The following BICRAL variants were observed in gnomAD, a reference collection of about 807,000 sequenced individuals.
The protein encoded by BICRAL is BRD4-interacting chromatin-remodeling complex-associated protein-like.
In BICRAL, 8 loss-of-function variants were observed where a neutral mutation model predicts 91.8. The observed-to-expected ratio is 0.09, with a 90% confidence interval of 0.05 to 0.16. The LOEUF (loss-of-function observed/expected upper bound fraction) is 0.16, where lower values mean the gene tolerates loss of function less well. BICRAL is among the 10% of genes least tolerant of loss of function. BICRAL has a pLI of 1.00. For synonymous variants in BICRAL, 445 were observed against 491.1 expected, an observed-to-expected ratio of 0.91 and a Z score of 1.24; for missense variants, 1,038 against 1,310.9, an observed-to-expected ratio of 0.79 and a Z score of 3.21.
chr6:42,747,813 T>G (rs1474040483), intron 1 of BICRAL, among the ~76,000 whole-genome samples: 2 of 142,878 alleles, frequency 1.4e-5, no homozygotes, highest in Admixed American at 1.3e-4. Flanking sequence ...TTGTTTTTTT[T>G]TTTTTTTTTT....
chr6:42,782,784 G>A (rs1418964111), intron 1 of BICRAL, among the ~76,000 whole-genome samples: 1 of 152,014 alleles, frequency 6.6e-6, no homozygotes, highest in Admixed American at 6.5e-5. Flanking sequence ...GCTCGGCGAG[G>A]GGAAGACGGC....
At chr6:42,832,445 T>A (rs1345989484) in intron 6 of BICRAL, among the ~76,000 whole-genome samples, 1 of 147,884 alleles carries the variant, frequency 6.8e-6, no homozygotes, top group Non-Finnish European at 1.5e-5. Context: ...ATATATATAT[T>A]AATGTATATA....
intron 6 of BICRAL, among the ~76,000 whole-genome samples, chr6:42,845,893 C>A (rs1764993015): frequency 1.4e-5 from 2 of 140,620 alleles, no homozygotes; most frequent in African/African-American, 2.8e-5. Flanking sequence ...GAAACCCCGT[C>A]TCTACTAAAA....
At position 42,829,421 on chromosome 6, in the gene BICRAL, T is replaced by C. The variant is rs370409368; in HGVS notation, c.1088T>C (p.Ile363Thr). The C allele has an allele frequency of 6.2e-7, 1 of 1,614,186 alleles. No homozygotes were observed. Among genetic ancestry groups the C allele is most frequent in the South Asian group, 1.1e-5 (1 of 91,084 alleles). Residue 363 changes from isoleucine (I) to threonine (T), a missense_variant, in exon 6 of 13, where the codon ATT (isoleucine) becomes ACT (threonine). By Grantham distance (89) the Ile-to-Thr change is moderately conservative (BLOSUM62 -1). Coordinates refer to ENST00000314073, the MANE Select transcript of BICRAL (RefSeq NM_001393499.1). The stretch of plus-strand genomic sequence containing the variant: ...GTTGGTCCACACATGTCTGTGAACA[T>C]TGTAAACCAACAGAACACAAGAAAG... ...SVVGPHMSVN[I>T]VNQQNTRKPV...
rs1289894708 is a variant in BICRAL, at chr6:42,782,061, G to A, written c.-142G>A. On this transcript the variant is annotated 5_prime_UTR_variant, in exon 1 of 13. Transcript: ENST00000314073. ...CGCCGCCGCCGCCCCTGTTGCGATG[G>A]CGCAGAAACCCCGTTGACAAGGCAC... 1 of 149,124 alleles carries A rather than the reference G, an allele frequency of 6.7e-6. No individual in the cohort carries two copies. Among genetic ancestry groups the A allele is most frequent in the Non-Finnish European group, 1.5e-5 (1 of 67,024 alleles). The allele number at this position is 149,124 out of a possible 1,614,324, so 9.2% of individuals were successfully genotyped here.
intron 1 of BICRAL, among the ~76,000 whole-genome samples, chr6:42,753,464 G>A (rs1039925934): frequency 1.3e-5 from 2 of 152,124 alleles, no homozygotes; most frequent in Non-Finnish European, 2.9e-5. Context: ...TGAGCTGAAC[G>A]GGAAAGCATG....
chr6:42,831,326 T>C (rs1162568457), intron 6 of BICRAL, among the ~76,000 whole-genome samples: 1 of 152,186 alleles, frequency 6.6e-6, no homozygotes, highest in Non-Finnish European at 1.5e-5. Flanking sequence ...AGGGACTCAG[T>C]GTGACTCAGT....
intron 6 of BICRAL, among the ~76,000 whole-genome samples, chr6:42,836,521 G>A (rs191741677): frequency 6.6e-6 from 1 of 151,896 alleles, no homozygotes; most frequent in East Asian, 1.9e-4. Flanking sequence ...CATACCCTTG[G>A]GTACACAATT....
intron 1 of BICRAL, among the ~76,000 whole-genome samples, chr6:42,786,351 A>G (rs1763103509): frequency 6.6e-6 from 1 of 152,344 alleles, no homozygotes; most frequent in South Asian, 2.1e-4. Flanking sequence ...CTAGACCACT[A>G]GGTGGGTGGA....
chr6:42,766,769 C>G (rs532984552), intron 1 of BICRAL, among the ~76,000 whole-genome samples: 8 of 151,978 alleles, frequency 5.3e-5, no homozygotes, highest in South Asian at 2.1e-4. Context: ...TGCCGGGTGC[C>G]GTGGCTCACA....
intron 5 of BICRAL, among the ~76,000 whole-genome samples, chr6:42,825,188 A>G (rs1262403368): frequency 7.0e-6 from 1 of 142,650 alleles, no homozygotes; most frequent in Non-Finnish European, 1.5e-5. Context: ...TGAACCTGGG[A>G]GGTGGAGGTT....
Position 42,842,709 on chromosome 6 carries a change from C to T in BICRAL, c.1840-9383C>T, listed in dbSNP as rs75856395. On this transcript the variant is annotated intron_variant, in intron 6 of 12. Coordinates refer to ENST00000314073, the MANE Select transcript of BICRAL (RefSeq NM_001393499.1). The stretch of plus-strand genomic sequence containing the variant: ...CTATTATACTTTTTATTTGTACACC[C>T]CACTAGGTACATAACCACTTACTTT... Among the ~76,000 whole-genome samples, 913 of 152,280 alleles carry T rather than the reference C, an allele frequency of 6.0e-3. 11 individuals carry two copies. The highest frequency in any genetic ancestry group is 0.021 in the African/African-American group (882 of 41,550).
intron 6 of BICRAL, among the ~76,000 whole-genome samples, chr6:42,846,061 CAAAAA>C (rs386406871): frequency 5.2e-4 from 42 of 80,726 alleles, no homozygotes; most frequent in African/African-American, 1.8e-3. Flanking sequence ...GACTCCATCT[CAAAAA>C]AAAAAAAAAA....
rs1039929740 is a variant in BICRAL at position 42,821,932 on chromosome 6, T to C, written c.-5-86T>C. The C allele has an allele frequency of 2.0e-5, 15 of 753,012 alleles. No individual in the cohort carries two copies. The Admixed American group carries it at 3.2e-4, about 16-fold the overall frequency. 46.6% of individuals were successfully genotyped at this position (753,012 alleles called of 1,614,324 possible). On this transcript the variant is annotated intron_variant, in intron 2 of 12. Transcript: ENST00000314073. ...AATTACAGTTATTTATCCAGAAAAG[T>C]GTAAGGCATACTTTTGTATTGCATT...
chr6:42,816,477 A>C (rs1763998801), intron 2 of BICRAL, among the ~76,000 whole-genome samples: 1 of 151,908 alleles, frequency 6.6e-6, no homozygotes, highest in African/African-American at 2.4e-5. Flanking sequence ...CCCGGGCTGG[A>C]GTGCAGTGGC....
intron 1 of BICRAL, among the ~76,000 whole-genome samples, chr6:42,785,085 C>A (rs1159812988): frequency 1.3e-5 from 2 of 152,134 alleles, no homozygotes; most frequent in Admixed American, 1.3e-4. Flanking sequence ...CCTCTTGTAG[C>A]TGCCATTTAT....
intron 6 of BICRAL, among the ~76,000 whole-genome samples, chr6:42,832,060 T>TA: frequency 6.6e-6 from 1 of 151,716 alleles, no homozygotes; most frequent in East Asian, 2.0e-4. Context: ...TTTAAATATA[T>TA]ATATCGGCCA....
chr6:42,746,405 A>G (rs1220090629), upstream of BICRAL, among the ~76,000 whole-genome samples: 1 of 152,026 alleles, frequency 6.6e-6, no homozygotes, highest in East Asian at 1.9e-4. Context: ...GTTTGTTTAT[A>G]AGAACAAGGT....
At chr6:42,810,594 A>G (rs1265075593) in intron 2 of BICRAL, among the ~76,000 whole-genome samples, 193 bp downstream of exon 2, 2 of 152,246 alleles carry the variant, frequency 1.3e-5, no homozygotes, top group African/African-American at 4.8e-5. Context: ...ATAAGTGGCT[A>G]TTCATGGCAT....
Sources: gnomAD v4.1 joint callset for allele counts (sites outside exome capture counted in the v4.1 genomes callset) on GRCh38, gnomAD v4.1.1 for gene constraint, MANE v1.5 for transcripts, NCBI Gene and HGNC (gene_info 2026-07-23, HGNC 2026-07-21) for gene names.